The following TRAF5 variants were observed in gnomAD, a reference collection of about 807,000 sequenced individuals.
TRAF5 encodes TNF receptor-associated factor 5.
Under a neutral mutation model 64.5 loss-of-function variants are expected in TRAF5, and 48 were observed. That is an observed-to-expected ratio of 0.74 (90% CI 0.59 to 0.95). The LOEUF (loss-of-function observed/expected upper bound fraction) is 0.95, where lower values mean the gene tolerates loss of function less well. Ranked by LOEUF, TRAF5 falls within the 40% of genes least tolerant of loss-of-function variation. TRAF5 has a pLI of 0.00. For missense variants in TRAF5, 545 were observed against 662.8 expected, an observed-to-expected ratio of 0.82 and a Z score of 1.95; for synonymous variants, 206 against 240.5, an observed-to-expected ratio of 0.86 and a Z score of 1.33.
At chr1:211,348,086 C>T (rs1411596455) in intron 1 of TRAF5, among the ~76,000 whole-genome samples, 1 of 152,124 alleles carries the variant, frequency 6.6e-6, no homozygotes, top group African/African-American at 2.4e-5. Context: ...ACATCGTTTG[C>T]CATTTGTACT....
intron 7 of TRAF5, among the ~76,000 whole-genome samples, chr1:211,361,462 G>A (rs547945934): frequency 7.9e-5 from 12 of 152,252 alleles, no homozygotes; most frequent in African/African-American, 2.2e-4. Context: ...TTGAGGAGAA[G>A]CATTTTTTTC....
chr1:211,362,394 A>C (rs1284732791), intron 7 of TRAF5, among the ~76,000 whole-genome samples: 1 of 152,168 alleles, frequency 6.6e-6, no homozygotes, highest in Admixed American at 6.5e-5. Flanking sequence ...TTTTATTCTT[A>C]AAGAGGCTGG....
chr1:211,356,503 C>A, intron 4 of TRAF5, 35 bp downstream of exon 4: 2 of 1,590,642 alleles, frequency 1.3e-6, no homozygotes, highest in South Asian at 2.2e-5. Flanking sequence ...CTGCTTTTGC[C>A]ATTTTTCCAG....
At chr1:211,334,207 C>G (rs1187349750) in intron 1 of TRAF5, among the ~76,000 whole-genome samples, 1 of 152,190 alleles carries the variant, frequency 6.6e-6, no homozygotes, top group Non-Finnish European at 1.5e-5. Context: ...CTGAATTTCT[C>G]CAGCAGTGCA....
chr1:211,338,773 T>A (rs555306708), intron 1 of TRAF5, among the ~76,000 whole-genome samples: 6 of 152,250 alleles, frequency 3.9e-5, no homozygotes, highest in African/African-American at 1.4e-4. Context: ...TACAGATGTG[T>A]GCCACCATGC....
chr1:211,372,622 A>G lies in TRAF5; in HGVS notation c.1594A>G (p.Asn532Asp), dbSNP rs765477837. The G allele has an allele frequency of 5.6e-6, 9 of 1,614,124 alleles. No homozygotes were observed. Among genetic ancestry groups the G allele is most frequent in the Non-Finnish European group, 7.6e-6 (9 of 1,180,028 alleles). ...PRFVAHSVLE[N>D]AKNAYIKDDT... ...CTTTGTGGCTCATTCTGTTTTGGAG[A>G]ATGCCAAGAACGCCTACATTAAAGA... The change falls in exon 11 of 11, where the codon AAT becomes GAT. Residue 532 changes from asparagine (N) to aspartate (D), a missense_variant. Physicochemically the swap from Asn to Asp is conservative, Grantham distance 23. Transcript: ENST00000261464.
intron 1 of TRAF5, among the ~76,000 whole-genome samples, chr1:211,347,623 T>A (rs1438576801): frequency 6.6e-6 from 1 of 152,172 alleles, no homozygotes; most frequent in Admixed American, 6.5e-5. Flanking sequence ...AGAGGAAGGA[T>A]GGGGCATTCA....
intron 8 of TRAF5, 136 bp from the exon 9 acceptor site, chr1:211,369,316 G>A (rs1703447032): frequency 4.7e-6 from 4 of 844,630 alleles, no homozygotes; most frequent in Non-Finnish European, 6.8e-6. Flanking sequence ...AATCTACCCT[G>A]TAAATATTTT....
Position 211,369,549 on chromosome 1 carries a change from C to T in TRAF5, c.887C>T (p.Ala296Val), listed in dbSNP as rs1301180546. The T allele has an allele frequency of 1.2e-6, 2 of 1,601,206 alleles. No individual in the cohort carries two copies. The highest frequency in any genetic ancestry group is 2.7e-5 in the African/African-American group (2 of 74,254). The change falls in exon 9 of 11, where the codon GCA (alanine) becomes GTA (valine). Residue 296 changes from alanine (A) to valine (V), a missense_variant. Transcript: ENST00000261464. Reference protein sequence around the residue: ...KKLEKEFKQFAQLFGKNGSFL... With the variant: ...KKLEKEFKQFVQLFGKNGSFL... ...CTTGAAAAGGAGTTCAAGCAGTTTG[C>T]ACAGTTGTTTGGCAAAAATGGAAGC...
intron 1 of TRAF5, among the ~76,000 whole-genome samples, chr1:211,337,537 G>A (rs1214027424): frequency 6.6e-6 from 1 of 152,206 alleles, no homozygotes; most frequent in Non-Finnish European, 1.5e-5. Flanking sequence ...GACAGCTTCT[G>A]TTTTTAAAAG....
upstream of TRAF5, chr1:211,326,713 C>G (rs546630902): frequency 2.1e-4 from 207 of 986,114 alleles, no homozygotes; most frequent in African/African-American, 3.4e-3. The surrounding 1 kb of genome is among the most constrained non-coding windows in gnomAD (Gnocchi z 5.0). Context: ...CGGTCTCAGC[C>G]TCCTCCCGAC....
chr1:211,330,553 A>G (rs1447017654), intron 1 of TRAF5, among the ~76,000 whole-genome samples: 1 of 152,022 alleles, frequency 6.6e-6, no homozygotes, highest in Non-Finnish European at 1.5e-5. Flanking sequence ...AGAAGACTCC[A>G]TGTTTCCCCA....
chr1:211,341,620 G>T (rs934955482), intron 1 of TRAF5, among the ~76,000 whole-genome samples: 1 of 152,158 alleles, frequency 6.6e-6, no homozygotes, highest in Admixed American at 6.5e-5. Context: ...CACCTGGAAG[G>T]TGTGTTTCCA....
chr1:211,365,187 A>T (rs1024851108), intron 7 of TRAF5, among the ~76,000 whole-genome samples, 189 bp from the exon 8 acceptor site: 13 of 151,976 alleles, frequency 8.6e-5, no homozygotes, highest in African/African-American at 3.1e-4. Context: ...AAACAAACAA[A>T]AACAAACTAA....
intron 1 of TRAF5, among the ~76,000 whole-genome samples, chr1:211,339,190 A>G (rs1366587562): frequency 6.6e-6 from 1 of 152,228 alleles, no homozygotes; most frequent in African/African-American, 2.4e-5. Flanking sequence ...TGGGAATATG[A>G]TGATGATAGC....
intron 3 of TRAF5, among the ~76,000 whole-genome samples, chr1:211,354,794 T>C (rs978273905): frequency 2.6e-5 from 4 of 152,232 alleles, no homozygotes; most frequent in Non-Finnish European, 2.9e-5. Context: ...CATTTTTTCA[T>C]GTGCTTATTG....
chr1:211,345,286 G>T (rs1702567842), intron 1 of TRAF5, among the ~76,000 whole-genome samples: 1 of 152,026 alleles, frequency 6.6e-6, no homozygotes, highest in African/African-American at 2.4e-5. Context: ...ATACTCCTGA[G>T]CTCAAGCAAT....
chr1:211,368,879 G>A (rs1038703876), intron 8 of TRAF5: 1 of 152,112 alleles, frequency 6.6e-6, no homozygotes, highest in African/African-American at 2.4e-5. Flanking sequence ...GGTTCTTTGA[G>A]GCATACAAGA....
intron 1 of TRAF5, among the ~76,000 whole-genome samples, chr1:211,337,702 G>T (rs1211647861): frequency 1.3e-5 from 2 of 152,194 alleles, no homozygotes; most frequent in Non-Finnish European, 2.9e-5. Flanking sequence ...GGGGGGATAT[G>T]TTGGGAAGGA....
Sources: gnomAD v4.1 joint callset for allele counts (sites outside exome capture counted in the v4.1 genomes callset) on GRCh38, gnomAD v4.1.1 for gene constraint, Gnocchi (gnomAD v3.1) non-coding constraint, MANE v1.5 for transcripts, NCBI Gene and HGNC (gene_info 2026-07-23, HGNC 2026-07-21) for gene names.